Variants in CSMD2 observed in about 807,000 individuals in gnomAD.
CSMD2 encodes CUB and Sushi multiple domains 2.
CSMD2 carries 130 observed loss-of-function variants against 398.5 expected under a neutral mutation model. That is an observed-to-expected ratio of 0.33 (90% CI 0.28 to 0.38). The LOEUF (loss-of-function observed/expected upper bound fraction) is 0.38, where lower values mean the gene tolerates loss of function less well. CSMD2 is among the 10% of genes least tolerant of loss of function. The pLI is 1.00. For synonymous variants in CSMD2, 1,828 were observed against 1,908.5 expected, an observed-to-expected ratio of 0.96 and a Z score of 1.10; for missense variants, 3,829 against 4,764.9, an observed-to-expected ratio of 0.80 and a Z score of 5.78.
chr1:33,771,484 C>A (rs1651251956), intron 13 of CSMD2, among the ~76,000 whole-genome samples: 1 of 152,064 alleles, frequency 6.6e-6, no homozygotes, highest in South Asian at 2.1e-4. Context: ...GATCTTTAAA[C>A]CTCTCAAGAC....
At chr1:33,713,289 A>T (rs1646052307) in intron 21 of CSMD2, among the ~76,000 whole-genome samples, 1 of 152,168 alleles carries the variant, frequency 6.6e-6, no homozygotes, top group South Asian at 2.1e-4. Context: ...TGAGGGCTCC[A>T]TGGACTTGTC....
At chr1:33,592,664 T>A (rs1639543885) in intron 44 of CSMD2, among the ~76,000 whole-genome samples, 1 of 152,176 alleles carries the variant, frequency 6.6e-6, no homozygotes, top group Non-Finnish European at 1.5e-5. Flanking sequence ...AAAATTATCA[T>A]GACGGCCGGG....
chr1:33,622,785 A>G (rs1017660399), intron 36 of CSMD2, among the ~76,000 whole-genome samples: 2 of 152,244 alleles, frequency 1.3e-5, no homozygotes, highest in Admixed American at 6.5e-5. Context: ...AGTTCCTCCA[A>G]AAGTTAAACA....
chr1:33,672,166 C>T (rs760643811), intron 25 of CSMD2, among the ~76,000 whole-genome samples: 3 of 152,322 alleles, frequency 2.0e-5, no homozygotes, highest in East Asian at 1.9e-4. Context: ...CGAAGCAGGG[C>T]GAGGCATCGC....
At chr1:33,736,522 A>G (rs1017614084) in intron 15 of CSMD2, among the ~76,000 whole-genome samples, 1 of 152,196 alleles carries the variant, frequency 6.6e-6, no homozygotes, top group African/African-American at 2.4e-5. Flanking sequence ...ATCCATTAAC[A>G]AAGGTCAAAT....
chr1:34,135,969 TG>T (rs1406939990), intron 1 of CSMD2, among the ~76,000 whole-genome samples: 1 of 152,128 alleles, frequency 6.6e-6, no homozygotes, highest in Non-Finnish European at 1.5e-5. Context: ...ATTTTTGCCC[TG>T]AGCATGTATT....
At chr1:33,993,646 T>C (rs1646633478) in intron 3 of CSMD2, among the ~76,000 whole-genome samples, 1 of 152,168 alleles carries the variant, frequency 6.6e-6, no homozygotes, top group South Asian at 2.1e-4. Flanking sequence ...CCAATAATAT[T>C]GAAAGAGAAA....
intron 68 of CSMD2, among the ~76,000 whole-genome samples, chr1:33,520,651 G>A (rs1000750198): frequency 2.6e-5 from 4 of 152,258 alleles, no homozygotes; most frequent in South Asian, 2.1e-4. Flanking sequence ...GGACAACTCC[G>A]GGGGAGGAGC....
intron 1 of CSMD2, among the ~76,000 whole-genome samples, chr1:34,089,870 TC>T (rs1658354818): frequency 6.6e-6 from 1 of 152,098 alleles, no homozygotes; most frequent in African/African-American, 2.4e-5. Context: ...AGAAAAAAAT[TC>T]CCTACCCCAC....
chr1:33,554,214 C>CA (rs1557526510), intron 55 of CSMD2, among the ~76,000 whole-genome samples: 3 of 96,828 alleles, frequency 3.1e-5, no homozygotes, highest in Non-Finnish European at 5.5e-5. Flanking sequence ...TTTTTTGAGA[C>CA]AGAGTCTTGC....
chr1:33,728,240 T>C (rs1247759978), intron 15 of CSMD2, among the ~76,000 whole-genome samples: 1 of 152,146 alleles, frequency 6.6e-6, no homozygotes, highest in African/African-American at 2.4e-5. Flanking sequence ...TGGGGAGGAA[T>C]AAAGAGCTAC....
chr1:33,534,711 C>A lies in CSMD2; in HGVS notation c.9880-804G>T, dbSNP rs186130254. Among the ~76,000 whole-genome samples the A allele has an allele frequency of 4.0e-3, 615 of 152,338 alleles. 4 individuals are homozygous for A. Among genetic ancestry groups the A allele is most frequent in the African/African-American group, 0.013 (542 of 41,574 alleles). On this transcript the variant is annotated intron_variant, in intron 62 of 70. Transcript: ENST00000373381. ...TGCAATGTGTAACTCTTAAATTCCA[C>A]TCCCTTCTTCCATGCTGAACACTTT...
chr1:33,573,862 G>A (rs914471523), intron 49 of CSMD2, among the ~76,000 whole-genome samples: 5 of 152,086 alleles, frequency 3.3e-5, no homozygotes, highest in Admixed American at 6.5e-5. Flanking sequence ...GGAATTTTGT[G>A]TATCTAAGAA....
intron 5 of CSMD2, among the ~76,000 whole-genome samples, chr1:33,858,922 T>C (rs1456359392): frequency 6.6e-6 from 1 of 152,244 alleles, no homozygotes; most frequent in Non-Finnish European, 1.5e-5. Flanking sequence ...ATTAGTGACT[T>C]AATGAGTCAG....
At chr1:34,123,260 T>C (rs1662380182) in intron 1 of CSMD2, among the ~76,000 whole-genome samples, 2 of 152,164 alleles carry the variant, frequency 1.3e-5, no homozygotes, top group Non-Finnish European at 2.9e-5. Context: ...TAATTAATCA[T>C]GCCTACGTAA....
In CSMD2 at chr1:34,164,192, C is replaced by G. The variant is rs981819013; in HGVS notation, c.187+719G>C. ...AGCCTGGCGGCGGCACTCCCTCCCCCGCCTCGGGCTACAACCCCCACCCCC... is the reference window on the plus strand; with the variant it reads ...AGCCTGGCGGCGGCACTCCCTCCCCGGCCTCGGGCTACAACCCCCACCCCC... On this transcript the variant is annotated intron_variant, in intron 1 of 70. Transcript: ENST00000373381. The surrounding 1 kb of genome is among the most constrained non-coding windows in gnomAD (Gnocchi z 6.2). Among the ~76,000 whole-genome samples, 1 of 152,060 alleles carries G rather than the reference C, an allele frequency of 6.6e-6. No individual in the cohort carries two copies. The highest frequency in any genetic ancestry group is 1.5e-5 in the Non-Finnish European group (1 of 67,998).
chr1:33,818,355 A>C lies in CSMD2; in HGVS notation c.1324+1358T>G, dbSNP rs187254322. Reference sequence around the variant, plus strand: ...CCACGCCCCATTTTAGGCAGTGAACAAAACAGAAGTCCTTGCCCTATAGAG... The same window carrying C: ...CCACGCCCCATTTTAGGCAGTGAACCAAACAGAAGTCCTTGCCCTATAGAG... On this transcript the variant is annotated intron_variant, in intron 9 of 70. Coordinates refer to ENST00000373381, the MANE Select transcript of CSMD2 (RefSeq NM_001281956.2). Among the ~76,000 whole-genome samples, 242 of 152,348 alleles carry C rather than the reference A, an allele frequency of 1.6e-3. 2 individuals carry two copies. The highest frequency in any genetic ancestry group is 2.9e-3 in the Non-Finnish European group (194 of 68,030).
chr1:33,543,252 C>T (rs1570676171), intron 57 of CSMD2, among the ~76,000 whole-genome samples: 1 of 152,176 alleles, frequency 6.6e-6, no homozygotes, highest in Non-Finnish European at 1.5e-5. Context: ...GAATCAGGAT[C>T]CAAATAGGGT....
At chr1:33,955,268 G>C (rs979495911) in intron 3 of CSMD2, among the ~76,000 whole-genome samples, 3 of 152,198 alleles carry the variant, frequency 2.0e-5, no homozygotes, top group African/African-American at 7.2e-5. Context: ...CCGCCTGAGT[G>C]GGGCGGGGTG....
Sources: gnomAD v4.1 joint callset for allele counts (sites outside exome capture counted in the v4.1 genomes callset) on GRCh38, gnomAD v4.1.1 for gene constraint, Gnocchi (gnomAD v3.1) non-coding constraint, MANE v1.5 for transcripts, NCBI Gene and HGNC (gene_info 2026-07-23, HGNC 2026-07-21) for gene names.